ANXA8: variants seen among roughly 807,000 people sequenced by gnomAD.
The protein encoded by ANXA8 is annexin A8.
ANXA8 carries 9 observed loss-of-function variants against 26.8 expected under a neutral mutation model. The observed-to-expected ratio is 0.34, with a 90% confidence interval of 0.20 to 0.59. The LOEUF is 0.59. Among genes scored for constraint, ANXA8 ranks in the 20% least tolerant of loss-of-function variants. ANXA8 has a pLI of 0.84. For missense variants in ANXA8, 83 were observed against 238.5 expected (o/e 0.35, Z 4.29); for synonymous variants, 39 against 94.8 (o/e 0.41, Z 3.42).
At chr10:47,559,142 CTTTTTTTTT>C in the ANXA8 span, among the ~76,000 whole-genome samples, 1 of 73,312 alleles carries the variant, frequency 1.4e-5, no homozygotes, top group Non-Finnish European at 2.5e-5. Flanking sequence ...TGGAGTCTTA[CTTTTTTTTT>C]TTTTTTTTTT....
chr10:47,557,509 A>G, the ANXA8 span, among the ~76,000 whole-genome samples: 1 of 149,564 alleles, frequency 6.7e-6, no homozygotes, highest in Admixed American at 6.7e-5. Flanking sequence ...GTACATTAAT[A>G]TTAAGTGAAA....
At chr10:47,630,913 G>A in the ANXA8 span, among the ~76,000 whole-genome samples, 1 of 149,706 alleles carries the variant, frequency 6.7e-6, no homozygotes, top group Non-Finnish European at 1.5e-5. Context: ...GACAAGAAAG[G>A]TCTTCTGTAG....
chr10:47,756,754 G>T, the ANXA8 span, among the ~76,000 whole-genome samples: 6 of 152,108 alleles, frequency 3.9e-5, no homozygotes, highest in Non-Finnish European at 1.5e-5. Flanking sequence ...GGTGAACCAA[G>T]GCCTCCCCTT....
chr10:47,618,919 AT>A, the ANXA8 span, among the ~76,000 whole-genome samples: 4 of 115,480 alleles, frequency 3.5e-5, no homozygotes, highest in Admixed American at 2.7e-4. Context: ...TGTAAAAATA[AT>A]TTGTTACTAA....
chr10:47,527,532 T>C, the ANXA8 span, among the ~76,000 whole-genome samples: 80 of 148,106 alleles, frequency 5.4e-4, no homozygotes, highest in Middle Eastern at 0.01. Context: ...TCTATAACAG[T>C]AGCACCTAGC....
the ANXA8 span, among the ~76,000 whole-genome samples, chr10:47,669,673 T>A: frequency 6.6e-6 from 1 of 151,682 alleles, no homozygotes; most frequent in African/African-American, 2.4e-5. Flanking sequence ...TGAGATCATG[T>A]CACTGTACTC....
the ANXA8 span, among the ~76,000 whole-genome samples, chr10:47,566,686 GTA>G: frequency 7.2e-6 from 1 of 139,494 alleles, no homozygotes. Flanking sequence ...AACAGTGTGT[GTA>G]GGGGCTTGGG....
At chr10:47,525,369 G>T in the ANXA8 span, among the ~76,000 whole-genome samples, 2 of 141,940 alleles carry the variant, frequency 1.4e-5, 1 homozygote, top group South Asian at 4.4e-4. Context: ...TCGTGCCATG[G>T]CACTCCTGCC....
the ANXA8 span, among the ~76,000 whole-genome samples, chr10:47,711,601 G>A: frequency 1.4e-5 from 2 of 147,780 alleles, no homozygotes; most frequent in South Asian, 4.2e-4. Flanking sequence ...CAGATGTTTG[G>A]TTGAGCAAGC....
At chr10:47,487,141 T>C (rs1206319797), upstream of ANXA8, 19 of 1,366,076 alleles carry the variant, frequency 1.4e-5, no homozygotes, top group Non-Finnish European at 1.9e-5. Context: ...ACCATAAATA[T>C]GTAAAATATG....
intron 1 of ANXA8, 103 bp downstream of exon 1, chr10:47,483,810 G>A (rs1839945023): frequency 6.8e-6 from 11 of 1,610,062 alleles, no homozygotes; most frequent in Non-Finnish European, 8.5e-6. Flanking sequence ...AATGTAGACT[G>A]AGCCACTCCC....
At chr10:47,570,531 T>G in the ANXA8 span, among the ~76,000 whole-genome samples, 2 of 150,224 alleles carry the variant, frequency 1.3e-5, no homozygotes, top group African/African-American at 2.5e-5. Context: ...CCAGCATTTT[T>G]GGAGGTTTTG....
the ANXA8 span, among the ~76,000 whole-genome samples, chr10:47,939,304 A>AG: frequency 1.5e-4 from 1 of 6,886 alleles, no homozygotes; most frequent in Non-Finnish European, 3.4e-4. Context: ...ACTCTGTCTC[A>AG]AAAAAAAAAA....
the ANXA8 span, among the ~76,000 whole-genome samples, chr10:47,555,669 C>T: frequency 4.0e-5 from 6 of 151,882 alleles, no homozygotes; most frequent in Non-Finnish European, 8.8e-5. Context: ...GTGATATGCC[C>T]TACAGAACTC....
the ANXA8 span, among the ~76,000 whole-genome samples, chr10:47,894,171 T>C: frequency 2.0e-5 from 2 of 101,632 alleles, no homozygotes; most frequent in African/African-American, 1.0e-4. Flanking sequence ...TTCCTGGAAA[T>C]GGGGGTGCTC....
At chr10:47,550,081 C>T in the ANXA8 span, among the ~76,000 whole-genome samples, 1 of 151,646 alleles carries the variant, frequency 6.6e-6, no homozygotes, top group East Asian at 1.9e-4. Context: ...CACACCACTG[C>T]ATTCCAGCCT....
chr10:47,603,566 C>A, the ANXA8 span, among the ~76,000 whole-genome samples: 18 of 146,552 alleles, frequency 1.2e-4, no homozygotes, highest in South Asian at 2.1e-4. Flanking sequence ...GGTTGAAGCA[C>A]AGTGGCACGG....
the ANXA8 span, among the ~76,000 whole-genome samples, chr10:47,742,833 TG>T: frequency 2.9e-5 from 4 of 136,754 alleles, no homozygotes; most frequent in African/African-American, 1.1e-4. Flanking sequence ...ATTTTAAAGA[TG>T]TCAATTCTCC....
At chr10:47,617,640 C>T in the ANXA8 span, among the ~76,000 whole-genome samples, 4 of 148,000 alleles carry the variant, frequency 2.7e-5, no homozygotes, top group Admixed American at 2.0e-4. Flanking sequence ...TTGTAGCTAT[C>T]GCAGTTAAAC....
Sources: allele counts gnomAD v4.1 joint callset (sites outside exome capture counted in the v4.1 genomes callset), GRCh38; gene constraint gnomAD v4.1.1; transcripts MANE v1.5; gene names NCBI Gene and HGNC (gene_info 2026-07-23, HGNC 2026-07-21).